KIF26B: variants seen among roughly 807,000 people sequenced by gnomAD.
The protein encoded by KIF26B is kinesin-like protein KIF26B.
A neutral mutation model predicts 151.2 loss-of-function variants in KIF26B; 63 were observed. That is an observed-to-expected ratio of 0.42 (90% confidence interval 0.34 to 0.51). KIF26B has a LOEUF of 0.51. Ranked by LOEUF, KIF26B falls within the 20% of genes least tolerant of loss-of-function variation. The pLI, the probability that KIF26B is intolerant of heterozygous loss-of-function variation, is 0.07. For synonymous variants in KIF26B, 1,357 were observed against 1,262.1 expected (o/e 1.08, Z -1.59); for missense variants, 2,813 against 2,913.6 (o/e 0.97, Z 0.79).
chr1:245,667,965 A>G lies in KIF26B; in HGVS notation c.2259-16268A>G, dbSNP rs892010720. Among the ~76,000 whole-genome samples, 16 of 152,276 alleles carry G rather than the reference A, an allele frequency of 1.1e-4. No homozygotes were observed. The highest frequency in any genetic ancestry group is 1.0e-3 in the South Asian group (5 of 4,824). ...GAGTGCAGTGCAGTGGCGCAATCTC[A>G]GCTCACTGCAACTTCCACCTCCCAG... On this transcript the variant is annotated intron_variant, in intron 10 of 14. Transcript: ENST00000407071. The surrounding 1 kb of genome is among the most constrained non-coding windows in gnomAD (Gnocchi z 4.3).
intron 2 of KIF26B, among the ~76,000 whole-genome samples, chr1:245,286,358 A>G (rs567810629): frequency 1.3e-5 from 2 of 152,168 alleles, no homozygotes; most frequent in South Asian, 4.1e-4. Context: ...CCTGGCCAAC[A>G]TGTCAAAACC....
chr1:245,618,387 G>A (rs977067016), intron 9 of KIF26B, among the ~76,000 whole-genome samples: 20 of 150,600 alleles, frequency 1.3e-4, no homozygotes, highest in African/African-American at 4.4e-4. Flanking sequence ...TTGAGACAGA[G>A]TGCCACCGTC....
At chr1:245,515,663 A>G (rs1200989655) in intron 4 of KIF26B, among the ~76,000 whole-genome samples, 2 of 152,222 alleles carry the variant, frequency 1.3e-5, no homozygotes, top group African/African-American at 2.4e-5. Context: ...ACAAAACAAT[A>G]TTCTCTTTTA....
At chr1:245,314,970 C>G (rs61281097) in intron 2 of KIF26B, among the ~76,000 whole-genome samples, 10,281 of 152,054 alleles carry the variant, frequency 0.068, 396 homozygotes, top group East Asian at 0.11. Context: ...CACCTGAGGT[C>G]GGGAGTTGGA....
In KIF26B at chr1:245,240,869, C is replaced by T. The variant is rs145385213; in HGVS notation, c.465+84186C>T. ...TGGAGGAAGGTCAGAACCAGCCTGG[C>T]AGAGAGCCTGAAGTGACTTGGAGAA... is the stretch of plus-strand genomic sequence containing the variant. On this transcript the variant is annotated intron_variant, in intron 2 of 14. Transcript: ENST00000407071. 1.0e-3 allele frequency among the ~76,000 whole-genome samples: 158 copies of T among 152,156 alleles called. 1 individual carries two copies. In the East Asian group the frequency reaches 0.025, roughly 24 times the overall value.
chr1:245,479,114 T>A (rs546464276), intron 4 of KIF26B, among the ~76,000 whole-genome samples: 1 of 151,692 alleles, frequency 6.6e-6, no homozygotes, highest in South Asian at 2.1e-4. Flanking sequence ...GAGTCTGGAA[T>A]TCAGGAAGCA....
chr1:245,510,615 T>TCTCTCTC (rs1660813167), intron 4 of KIF26B, among the ~76,000 whole-genome samples: 1 of 132,644 alleles, frequency 7.5e-6, no homozygotes, highest in African/African-American at 2.7e-5. Flanking sequence ...TCTCTCTCTC[T>TCTCTCTC]TCCCCTCTCT....
At chr1:245,457,029 C>A (rs1659548226) in intron 4 of KIF26B, among the ~76,000 whole-genome samples, 1 of 152,116 alleles carries the variant, frequency 6.6e-6, no homozygotes, top group African/African-American at 2.4e-5. Context: ...CCATGCCCAG[C>A]TAATTTTTGT....
chr1:245,583,563 TGA>T (rs925944926), intron 5 of KIF26B, among the ~76,000 whole-genome samples: 9 of 152,314 alleles, frequency 5.9e-5, no homozygotes, highest in African/African-American at 2.2e-4. Flanking sequence ...TTATCATGAA[TGA>T]GAGTTCGTTA....
chr1:245,188,971 T>C (rs959339627), intron 2 of KIF26B, among the ~76,000 whole-genome samples: 2 of 152,240 alleles, frequency 1.3e-5, no homozygotes, highest in African/African-American at 4.8e-5. Flanking sequence ...AAATGTTGTA[T>C]GGCTTTGCTT....
At chr1:245,441,743 C>T (rs1659110547) in intron 4 of KIF26B, among the ~76,000 whole-genome samples, 1 of 152,356 alleles carries the variant, frequency 6.6e-6, no homozygotes, top group African/African-American at 2.4e-5. Flanking sequence ...TCTCCTGATG[C>T]TTAACAATCG....
chr1:245,357,794 C>A (rs368181328), intron 2 of KIF26B, among the ~76,000 whole-genome samples: 1 of 152,040 alleles, frequency 6.6e-6, no homozygotes, highest in East Asian at 1.9e-4. Flanking sequence ...AAGTGAGGGA[C>A]GTGTGACAAG....
At chr1:245,637,683 TAAAA>T (rs1327377382) in intron 9 of KIF26B, among the ~76,000 whole-genome samples, 8 of 152,046 alleles carry the variant, frequency 5.3e-5, no homozygotes, top group African/African-American at 9.6e-5. Flanking sequence ...CATAATGTGA[TAAAA>T]AATGAAGCTC....
rs145321198 is a variant in KIF26B, at chr1:245,696,127, G to A, written c.5825-1979G>A. Among the ~76,000 whole-genome samples the A allele has an allele frequency of 3.8e-3, 579 of 152,354 alleles. 7 individuals carry two copies. The highest frequency in any genetic ancestry group is 0.013 in the African/African-American group (545 of 41,576). On this transcript the variant is annotated intron_variant, in intron 12 of 14. Coordinates refer to ENST00000407071, the MANE Select transcript of KIF26B (RefSeq NM_018012.4). ...TCACACCCTTGTGTAGTCCCCTCCC[G>A]TATTTACCAGAGTTGGTCTCTGTTG...
chr1:245,269,805 C>T (rs1423337729), intron 2 of KIF26B, among the ~76,000 whole-genome samples: 1 of 152,038 alleles, frequency 6.6e-6, no homozygotes, highest in African/African-American at 2.4e-5. Context: ...AATAATATTC[C>T]GTTGTCTGTA....
At chr1:245,695,098 C>T (rs1390041159) in intron 12 of KIF26B, among the ~76,000 whole-genome samples, 1 of 152,154 alleles carries the variant, frequency 6.6e-6, no homozygotes, top group Non-Finnish European at 1.5e-5. Context: ...GGAGGGGATC[C>T]CTGGCAGAGA....
intron 10 of KIF26B, among the ~76,000 whole-genome samples, chr1:245,674,984 C>T (rs983720983): frequency 6.6e-6 from 1 of 152,150 alleles, no homozygotes; most frequent in Non-Finnish European, 1.5e-5. Flanking sequence ...TGGAGGGTTC[C>T]CAAAACGACC....
At chr1:245,374,728 A>G (rs1673232552) in intron 3 of KIF26B, among the ~76,000 whole-genome samples, 1 of 152,198 alleles carries the variant, frequency 6.6e-6, no homozygotes, top group Non-Finnish European at 1.5e-5. Context: ...ATATTAGGTT[A>G]TGTATCTTTA....
At chr1:245,461,584 C>G (rs1371675294) in intron 4 of KIF26B, among the ~76,000 whole-genome samples, 2 of 152,046 alleles carry the variant, frequency 1.3e-5, no homozygotes, top group Non-Finnish European at 2.9e-5. Context: ...AATGTCCATC[C>G]TTTGCTCCCA....
Sources: gnomAD v4.1 joint callset for allele counts (sites outside exome capture counted in the v4.1 genomes callset) on GRCh38, gnomAD v4.1.1 for gene constraint, Gnocchi (gnomAD v3.1) non-coding constraint, MANE v1.5 for transcripts, NCBI Gene and HGNC (gene_info 2026-07-23, HGNC 2026-07-21) for gene names.